The following GLI2 variants were observed in gnomAD, a reference collection of about 807,000 sequenced individuals.
GLI2 encodes GLI family zinc finger 2.
GLI2 carries 22 observed loss-of-function variants against 78.9 expected under a neutral mutation model. The ratio of observed to expected loss-of-function variants is 0.28; its 90% CI spans 0.20 to 0.40. The LOEUF is 0.40. Ranked by LOEUF, GLI2 falls within the 10% of genes least tolerant of loss-of-function variation. The pLI is 1.00. For synonymous variants in GLI2, 974 were observed against 963.7 expected (o/e 1.01, Z -0.20); for missense variants, 2,097 against 2,213.2 (o/e 0.95, Z 1.05).
chr2:120,984,666 A>G lies in GLI2; in HGVS notation c.1828A>G (p.Ser610Gly). 6.2e-7 allele frequency: 1 copy of G among 1,613,830 alleles called. No homozygotes were observed. The highest frequency in any genetic ancestry group is 8.5e-7 in the Non-Finnish European group (1 of 1,180,000). The change falls in exon 12 of 14, where the codon AGC becomes GGC. Residue 610 changes from serine to glycine, a missense_variant. Physicochemically the swap from Ser to Gly is moderately conservative, Grantham distance 56. This residue lies in a region of GLI2 where 57 missense variants were observed against 44.5 expected (regional missense o/e 1.28). Coordinates refer to ENST00000361492, the MANE Select transcript of GLI2 (RefSeq NM_001374353.1). ...CGGCACGGAGCCTGGCGGCCCAGAGAGCACCGAGGCCAGCAGCACCAGCCA... is the reference window on the plus strand; with the variant it reads ...CGGCACGGAGCCTGGCGGCCCAGAGGGCACCGAGGCCAGCAGCACCAGCCA... ...EAGTEPGGPE[S>G]TEASSTSQAV...
chr2:120,948,647 G>T (rs1680830606), intron 3 of GLI2, among the ~76,000 whole-genome samples: 1 of 152,176 alleles, frequency 6.6e-6, no homozygotes. Flanking sequence ...GGTCACCTTG[G>T]ACAGACTGGG....
chr2:120,951,439 G>C lies in GLI2; in HGVS notation c.451G>C (p.Ala151Pro), dbSNP rs781771721. Residue 151 changes from alanine to proline, a missense_variant, in exon 4 of 14, where the codon GCT (alanine) becomes CCT (proline). Physicochemically the swap from Ala to Pro is conservative, Grantham distance 27 (BLOSUM62 -1). Around this residue, in one of 5 missense-constraint regions of GLI2, gnomAD observed 578 missense variants for 612.0 expected, o/e 0.94. Coordinates refer to ENST00000361492, the MANE Select transcript of GLI2 (RefSeq NM_001374353.1). The part of the protein sequence containing the change: ...MISAARGLSP[A>P]DVAQEHLKER... ...CTCTGCAGCCAGGGGCCTCAGCCCC[G>C]CTGATGGTGAGTAGGGTGTGGGGAT... 1 of 1,606,394 alleles carries C rather than the reference G, an allele frequency of 6.2e-7. No individual in the cohort carries two copies. The highest frequency in any genetic ancestry group is 1.7e-5 in the Admixed American group (1 of 59,890).
At chr2:120,771,787 T>C (rs1346811849) in intron 1 of GLI2, among the ~76,000 whole-genome samples, 1 of 152,228 alleles carries the variant, frequency 6.6e-6, no homozygotes, top group African/African-American at 2.4e-5. Flanking sequence ...CTGGGCTTGC[T>C]GGACCAGGAC....
chr2:120,976,972 A>G (rs1682483951), intron 9 of GLI2, among the ~76,000 whole-genome samples: 1 of 152,274 alleles, frequency 6.6e-6, no homozygotes, highest in Non-Finnish European at 1.5e-5. Context: ...AAGCATTTTT[A>G]TCATTTGAAA....
chr2:120,912,648 T>C (rs1416517383), intron 2 of GLI2, among the ~76,000 whole-genome samples: 2 of 152,138 alleles, frequency 1.3e-5, no homozygotes, highest in Non-Finnish European at 2.9e-5. Flanking sequence ...CGTCCGAAAG[T>C]GTAACACGGC....
At chr2:120,894,713 TTTGAGA>T (rs1677859618) in intron 2 of GLI2, among the ~76,000 whole-genome samples, 1 of 151,312 alleles carries the variant, frequency 6.6e-6, no homozygotes. Context: ...TTTTTTTTTT[TTTGAGA>T]CAGAGTTTTG....
intron 3 of GLI2, among the ~76,000 whole-genome samples, chr2:120,950,742 C>T (rs1680939571): frequency 6.6e-6 from 1 of 152,252 alleles, no homozygotes; most frequent in Non-Finnish European, 1.5e-5. Flanking sequence ...CCAACTGAAG[C>T]CAGAAACTCT....
intron 10 of GLI2, 121 bp downstream of exon 10, chr2:120,978,704 G>A: frequency 1.8e-6 from 2 of 1,101,988 alleles, no homozygotes; most frequent in East Asian, 2.6e-5. Context: ...ACCACAGCAG[G>A]GGCTCTGGGA....
intron 10 of GLI2, among the ~76,000 whole-genome samples, chr2:120,982,376 C>A (rs912634509): frequency 6.6e-6 from 1 of 152,124 alleles, no homozygotes; most frequent in Non-Finnish European, 1.5e-5. Context: ...TGGGAATATG[C>A]TGCTGATTTA....
At chr2:120,868,932 C>T (rs1688288264) in intron 2 of GLI2, among the ~76,000 whole-genome samples, 1 of 152,128 alleles carries the variant, frequency 6.6e-6, no homozygotes, top group African/African-American at 2.4e-5. Context: ...GGTGCAGGGG[C>T]GGGCACATCG....
At chr2:120,834,806 G>C (rs1280429375) in intron 2 of GLI2, among the ~76,000 whole-genome samples, 1 of 152,058 alleles carries the variant, frequency 6.6e-6, no homozygotes, top group Non-Finnish European at 1.5e-5. Flanking sequence ...TTCTGTGGGG[G>C]GTTATGCACA....
intron 8 of GLI2, chr2:120,972,703 A>G (rs978039749): frequency 7.7e-6 from 4 of 518,502 alleles, no homozygotes; most frequent in African/African-American, 1.9e-5. Context: ...GTATTTTCCA[A>G]TGATTCAATG....
At chr2:120,740,947 C>G (rs1317197517) in intron 1 of GLI2, among the ~76,000 whole-genome samples, 1 of 152,202 alleles carries the variant, frequency 6.6e-6, no homozygotes, top group Non-Finnish European at 1.5e-5. Flanking sequence ...AGCACGGGCG[C>G]AGCCCTGCAC....
rs568041065 is a variant in GLI2, at chr2:120,985,149, C to G, written c.1905+406C>G. ...ACTCCTTTTGTTCTAACCACCTGTT[C>G]TTTGTCTCCATCTCTTTTTCCTGAC... On this transcript the variant is annotated intron_variant, in intron 12 of 13. Transcript: ENST00000361492. 2.6e-5 allele frequency among the ~76,000 whole-genome samples: 4 copies of G among 152,344 alleles called. No individual in the cohort carries two copies. The South Asian group carries it at 8.3e-4, about 32-fold the overall frequency.
chr2:120,898,289 G>A (rs564636173), intron 2 of GLI2, among the ~76,000 whole-genome samples: 2 of 151,912 alleles, frequency 1.3e-5, no homozygotes, highest in East Asian at 1.9e-4. Flanking sequence ...CATTTACTGT[G>A]TTTATAGAGA....
chr2:120,886,934 C>T (rs1339394584), intron 2 of GLI2, among the ~76,000 whole-genome samples: 3 of 152,332 alleles, frequency 2.0e-5, no homozygotes, highest in East Asian at 1.9e-4. Flanking sequence ...CTGGGGCTCA[C>T]GCAAGGGCTG....
At chr2:120,890,695 G>A (rs1414506798) in intron 2 of GLI2, among the ~76,000 whole-genome samples, 1 of 152,146 alleles carries the variant, frequency 6.6e-6, no homozygotes, top group African/African-American at 2.4e-5. Flanking sequence ...AATAAACAAG[G>A]TAATTAATAT....
At chr2:120,808,576 G>A (rs1685072855) in intron 2 of GLI2, among the ~76,000 whole-genome samples, 1 of 152,206 alleles carries the variant, frequency 6.6e-6, no homozygotes, top group Non-Finnish European at 1.5e-5. Flanking sequence ...ATGTCAGCGA[G>A]ATCTTTGTCC....
intron 13 of GLI2, among the ~76,000 whole-genome samples, chr2:120,987,152 G>C (rs1683017713): frequency 6.6e-6 from 1 of 152,238 alleles, no homozygotes; most frequent in Non-Finnish European, 1.5e-5. Flanking sequence ...ACTGTGCTCA[G>C]TCTCAAGAGG....
Sources: gnomAD v4.1 joint callset for allele counts (sites outside exome capture counted in the v4.1 genomes callset) on GRCh38, gnomAD v4.1.1 for gene constraint, gnomAD v4.1.1 regional missense constraint, MANE v1.5 for transcripts, NCBI Gene and HGNC (gene_info 2026-07-23, HGNC 2026-07-21) for gene names.